NOTCH1: variants seen among roughly 807,000 people sequenced by gnomAD.
The protein encoded by NOTCH1 is notch receptor 1, also known as neurogenic locus notch homolog protein 1.
NOTCH1 carries 37 observed loss-of-function variants against 254.8 expected under a neutral mutation model. That is an observed-to-expected ratio of 0.15 (90% CI 0.11 to 0.19). The LOEUF (loss-of-function observed/expected upper bound fraction) is 0.19, where lower values mean the gene tolerates loss of function less well. Among genes scored for constraint, NOTCH1 ranks in the 10% least tolerant of loss-of-function variants. The probability of loss-of-function intolerance (pLI) is 1.00; values close to 1 mark genes in which losing one functional copy is unlikely to be tolerated. For synonymous variants in NOTCH1, 1,731 were observed against 1,618.1 expected, an observed-to-expected ratio of 1.07 and a Z score of -1.68; for missense variants, 2,972 against 3,708.6, an observed-to-expected ratio of 0.80 and a Z score of 5.16.
At chr9:136,543,498 G>A in intron 2 of NOTCH1, 1 of 302,920 alleles carries the variant, frequency 3.3e-6, no homozygotes, top group Non-Finnish European at 6.4e-6. Context: ...CACGCACCCA[G>A]AGGAGGCATC....
chr9:136,505,720 C>G lies in NOTCH1; in HGVS notation c.4176G>C (p.Leu1392=), dbSNP rs1187658083. ...CCTGGTTGTAGCAGGGGTTGCCGCCCAGGCAGGGGCTGCTGGCCGGGAACT... is the reference window on the plus strand; with the variant it reads ...CCTGGTTGTAGCAGGGGTTGCCGCCGAGGCAGGGGCTGCTGGCCGGGAACT... The part of the protein sequence containing the change: ...ECQFPASSPC[L]GGNPCYNQGT... The change falls in exon 25 of 34, where the codon CTG becomes CTC. Residue 1392 remains leucine (L), a synonymous_variant. Coordinates refer to ENST00000651671, the MANE Select transcript of NOTCH1 (RefSeq NM_017617.5). 1 of 1,596,924 alleles carries G rather than the reference C, an allele frequency of 6.3e-7. No individual in the cohort carries two copies. The highest frequency in any genetic ancestry group is 8.5e-7 in the Non-Finnish European group (1 of 1,169,656).
chr9:136,538,622 C>A (rs1027644036), intron 2 of NOTCH1, among the ~76,000 whole-genome samples: 7 of 152,254 alleles, frequency 4.6e-5, no homozygotes, highest in African/African-American at 1.7e-4. Flanking sequence ...TCCTCCTCAG[C>A]CCGGGGAAAG....
At chr9:136,525,574 G>A (rs7030068) in intron 2 of NOTCH1, among the ~76,000 whole-genome samples, 87,512 of 152,122 alleles carry the variant, frequency 0.58, 26,252 homozygotes, top group East Asian at 0.83. Flanking sequence ...CCCGCCTTCC[G>A]GAGCCCACCT....
chr9:136,526,045 G>A (rs962833620), intron 2 of NOTCH1, among the ~76,000 whole-genome samples: 13 of 152,354 alleles, frequency 8.5e-5, no homozygotes, highest in African/African-American at 2.9e-4. Flanking sequence ...AGTGAGCGAC[G>A]GGCACAGCCC....
intron 11 of NOTCH1, 27 bp downstream of exon 11, chr9:136,515,456 C>T (rs1052505550): frequency 1.2e-6 from 2 of 1,611,526 alleles, no homozygotes; most frequent in East Asian, 2.2e-5. Context: ...CACTGGCCCC[C>T]CGCCGGCCAC....
intron 9 of NOTCH1, among the ~76,000 whole-genome samples, chr9:136,516,822 C>T (rs1038785448): frequency 1.3e-5 from 2 of 152,196 alleles, no homozygotes; most frequent in Non-Finnish European, 2.9e-5. Flanking sequence ...GGGCCCTGCC[C>T]TTCCTTCGGG....
At position 136,513,259 on chromosome 9, in the gene NOTCH1, C is replaced by T; in HGVS notation, c.2354-125G>A. Reference sequence around the variant, plus strand: ...CTCCTCATCTCCAAGAGCCAGAGGCCTGGAGCTAAGGCTTTGCCACGGGAG... The same window carrying T: ...CTCCTCATCTCCAAGAGCCAGAGGCTTGGAGCTAAGGCTTTGCCACGGGAG... On this transcript the variant is annotated intron_variant, in intron 14 of 33. Coordinates refer to ENST00000651671, the MANE Select transcript of NOTCH1 (RefSeq NM_017617.5). The surrounding 1 kb of genome is among the most constrained non-coding windows in gnomAD (Gnocchi z 4.7). The T allele has an allele frequency of 6.7e-7, 1 of 1,494,446 alleles. No homozygotes were observed. Among genetic ancestry groups the T allele is most frequent in the South Asian group, 1.1e-5 (1 of 87,038 alleles). The allele number at this position is 1,494,446 out of a possible 1,614,324, so 92.6% of individuals were successfully genotyped here.
chr9:136,530,178 C>T (rs541890118), intron 2 of NOTCH1, among the ~76,000 whole-genome samples: 1 of 152,326 alleles, frequency 6.6e-6, no homozygotes, highest in South Asian at 2.1e-4. Flanking sequence ...GGGACCCAGC[C>T]GGGGTCTGAG....
chr9:136,502,934 G>C (rs527562508), intron 27 of NOTCH1: 1 of 689,976 alleles, frequency 1.4e-6, no homozygotes, highest in African/African-American at 1.8e-5. Context: ...AGGAAAGGGT[G>C]GGGAGAGAAG....
At chr9:136,524,615 C>T (rs1298675224) in intron 2 of NOTCH1, among the ~76,000 whole-genome samples, 8 of 150,876 alleles carry the variant, frequency 5.3e-5, no homozygotes, top group Admixed American at 2.6e-4. Context: ...CCCCTTCCTA[C>T]GTGGAAGCCT....
chr9:136,522,746 A>G, intron 4 of NOTCH1, 104 bp downstream of exon 4: 1 of 1,135,818 alleles, frequency 8.8e-7, no homozygotes, highest in Non-Finnish European at 1.2e-6. Context: ...ACTCCCCGCC[A>G]TGGGCCCTCC....
rs12344155 is a variant in NOTCH1 at position 136,502,531 on chromosome 9, A to G, written c.5168-43T>C. 145,337 of 1,369,520 alleles carry G rather than the reference A, an allele frequency of 0.11. 8,917 individuals are homozygous for G. The highest frequency in any genetic ancestry group is 0.23 in the South Asian group (15,769 of 68,340). 84.8% of individuals were successfully genotyped at this position (1,369,520 alleles called of 1,614,324 possible). On this transcript the variant is annotated intron_variant, in intron 27 of 33. Coordinates refer to ENST00000651671, the MANE Select transcript of NOTCH1 (RefSeq NM_017617.5). ...AGGGGCAGGTGCCCGGACATCAGGCAGCGGCTACGCAGCAGGCTGGTGGCC... is the reference window on the plus strand; with the variant it reads ...AGGGGCAGGTGCCCGGACATCAGGCGGCGGCTACGCAGCAGGCTGGTGGCC...
rs896438598 is a variant in NOTCH1, at chr9:136,506,567, G to A, written c.3974C>T (p.Ala1325Val). Residue 1325 changes from alanine to valine, a missense_variant, in exon 24 of 34, where the codon GCC (alanine) becomes GTC (valine). Ala to Val is a moderately conservative substitution (Grantham distance 64, BLOSUM62 0). Transcript: ENST00000651671. This position sits in a 1 kb window ranked among gnomAD's most constrained non-coding sequence, Gnocchi z 4.5. ...PCKNGGTCAV[A>V]SNTARGFICK... ...GATGAACCCGCGGGCGGTGTTGGAG[G>A]CCACGGCGCAGGTGCCCCCATTCTT... is the stretch of plus-strand genomic sequence containing the variant. 8 of 1,610,478 alleles carry A rather than the reference G, an allele frequency of 5.0e-6. No individual in the cohort carries two copies. Among genetic ancestry groups the A allele is most frequent in the Non-Finnish European group, 6.8e-6 (8 of 1,179,438 alleles).
At chr9:136,515,445 C>G (rs778802843) in intron 11 of NOTCH1, 38 bp downstream of exon 11, 15 of 1,611,758 alleles carry the variant, frequency 9.3e-6, no homozygotes, top group Middle Eastern at 3.3e-4. Flanking sequence ...CCCGCCCTGC[C>G]CACTGGCCCC....
In NOTCH1 at chr9:136,545,401, C is replaced by T. The variant is rs1054010783; in HGVS notation, c.61+325G>A. Among the ~76,000 whole-genome samples, 4 of 151,912 alleles carry T rather than the reference C, an allele frequency of 2.6e-5. No homozygotes were observed. Among genetic ancestry groups the T allele is most frequent in the Non-Finnish European group, 5.9e-5 (4 of 67,940 alleles). On this transcript the variant is annotated intron_variant, in intron 1 of 33. Transcript: ENST00000651671. The surrounding 1 kb of genome is among the most constrained non-coding windows in gnomAD (Gnocchi z 6.8). ...AAAAATAGTAGGCAGCCCGCCCGCC[C>T]GGCCGACCGGCGGCAAGCCCCACGC...
At position 136,544,671 on chromosome 9, in the gene NOTCH1, G is replaced by A. The variant is rs922330832; in HGVS notation, c.62-569C>T. Among the ~76,000 whole-genome samples the A allele has an allele frequency of 9.9e-5, 15 of 152,206 alleles. No homozygotes were observed. The East Asian group carries it at 1.2e-3, about 12-fold the overall frequency. ...CCGGCCTCCGCCTCAGAATCAGAGCGGCCCATTGTGGAGTCGGGGCCGCCT... is the reference window on the plus strand; with the variant it reads ...CCGGCCTCCGCCTCAGAATCAGAGCAGCCCATTGTGGAGTCGGGGCCGCCT... On this transcript the variant is annotated intron_variant, in intron 1 of 33. Coordinates refer to ENST00000651671, the MANE Select transcript of NOTCH1 (RefSeq NM_017617.5).
intron 10 of NOTCH1, 62 bp downstream of exon 10, chr9:136,515,919 C>T: frequency 7.2e-7 from 1 of 1,393,154 alleles, no homozygotes; most frequent in Non-Finnish European, 1.0e-6. Flanking sequence ...TTGTCAGTTT[C>T]ACTGCCCTGA....
Position 136,495,867 on chromosome 9 carries a change from A to C in NOTCH1, c.*204T>G. ...GTTTCTACCTGGGGCCAGATAAAAC[A>C]GTACATATAAATAAAAAGGCAGTGT... On this transcript the variant is annotated 3_prime_UTR_variant, in exon 34 of 34. Transcript: ENST00000651671. 1.7e-6 allele frequency: 1 copy of C among 586,718 alleles called. No individual in the cohort carries two copies. Among genetic ancestry groups the C allele is most frequent in the South Asian group, 2.8e-5 (1 of 36,158 alleles). The allele number at this position is 586,718 out of a possible 1,614,324, so 36.3% of individuals were successfully genotyped here.
chr9:136,531,418 A>T (rs1843557064), intron 2 of NOTCH1, among the ~76,000 whole-genome samples: 1 of 152,162 alleles, frequency 6.6e-6, no homozygotes, highest in Non-Finnish European at 1.5e-5. Flanking sequence ...GCTCCCTGGG[A>T]AAGAGGAGGA....
Sources: allele counts gnomAD v4.1 joint callset (sites outside exome capture counted in the v4.1 genomes callset), GRCh38; gene constraint gnomAD v4.1.1; non-coding constraint Gnocchi (gnomAD v3.1); transcripts MANE v1.5; gene names NCBI Gene and HGNC (gene_info 2026-07-23, HGNC 2026-07-21).